The following LSAMP variants were observed in gnomAD, a reference collection of about 807,000 sequenced individuals.
The protein encoded by LSAMP is limbic system associated membrane protein.
LSAMP carries 7 observed loss-of-function variants against 38.6 expected under a neutral mutation model. The ratio of observed to expected loss-of-function variants is 0.18; its 90% confidence interval spans 0.10 to 0.34. LSAMP has a LOEUF of 0.34. Ranked by LOEUF, LSAMP falls within the 10% of genes least tolerant of loss-of-function variation. The pLI is 1.00. For synonymous variants in LSAMP, 154 were observed against 166.8 expected, an observed-to-expected ratio of 0.92 and a Z score of 0.59; for missense variants, 313 against 420.0, an observed-to-expected ratio of 0.75 and a Z score of 2.23.
At chr3:115,917,329 G>A (rs1937273363) in intron 3 of LSAMP, among the ~76,000 whole-genome samples, 1 of 151,984 alleles carries the variant, frequency 6.6e-6, no homozygotes, top group Admixed American at 6.5e-5. Context: ...ACGTACCTTT[G>A]CTTCTATATT....
chr3:115,998,239 T>C (rs1168542562), intron 3 of LSAMP, among the ~76,000 whole-genome samples: 1 of 152,130 alleles, frequency 6.6e-6, no homozygotes, highest in East Asian at 1.9e-4. Flanking sequence ...TGGATTTCAT[T>C]TCAAGAGATT....
At chr3:115,837,947 T>A (rs1407143124) in intron 6 of LSAMP, 4 of 152,288 alleles carry the variant, frequency 2.6e-5, no homozygotes, top group African/African-American at 9.6e-5. Context: ...TCAGGAGTTC[T>A]GGGCTGTAGT....
rs150080714 is a variant in LSAMP, at chr3:115,957,760, C to A, written c.514+61755G>T. The stretch of plus-strand genomic sequence containing the variant: ...TGTATACAGCAAGACCATTTTGTAC[C>A]TTTCTTGGAAGATATGATGACCCAC... On this transcript the variant is annotated intron_variant, in intron 3 of 6. Coordinates refer to ENST00000490035, the MANE Select transcript of LSAMP (RefSeq NM_002338.5). Among the ~76,000 whole-genome samples, 326 of 152,224 alleles carry A rather than the reference C, an allele frequency of 2.1e-3. 2 individuals carry two copies. Among genetic ancestry groups the A allele is most frequent in the Middle Eastern group, 6.8e-3 (2 of 294 alleles).
intron 1 of LSAMP, among the ~76,000 whole-genome samples, chr3:116,339,466 A>G (rs1406961530): frequency 1.3e-5 from 2 of 151,454 alleles, no homozygotes; most frequent in African/African-American, 2.4e-5. Context: ...CCACTAATGA[A>G]GTTTTTTTTT....
intron 3 of LSAMP, among the ~76,000 whole-genome samples, chr3:115,964,322 A>C (rs1371923249): frequency 1.3e-5 from 2 of 152,208 alleles, no homozygotes; most frequent in Non-Finnish European, 2.9e-5. Context: ...TGATTAATCA[A>C]TTAATATTAG....
chr3:115,987,146 G>A (rs1576285456), intron 3 of LSAMP, among the ~76,000 whole-genome samples: 1 of 152,146 alleles, frequency 6.6e-6, no homozygotes, highest in African/African-American at 2.4e-5. Flanking sequence ...GAAAAAAAAT[G>A]TTTTGTATTT....
chr3:116,246,517 G>C (rs909109085), intron 1 of LSAMP, among the ~76,000 whole-genome samples: 2 of 152,074 alleles, frequency 1.3e-5, no homozygotes, highest in Non-Finnish European at 2.9e-5. Context: ...AATGACTATA[G>C]CAGGCAAATG....
At chr3:116,288,314 A>C (rs548580087) in intron 1 of LSAMP, among the ~76,000 whole-genome samples, 1 of 152,290 alleles carries the variant, frequency 6.6e-6, no homozygotes, top group South Asian at 2.1e-4. Flanking sequence ...ATGGATTCTC[A>C]AAGAAAAGAC....
intron 1 of LSAMP, among the ~76,000 whole-genome samples, chr3:116,188,597 C>T (rs1321583447): frequency 6.6e-6 from 1 of 152,084 alleles, no homozygotes; most frequent in Non-Finnish European, 1.5e-5. Context: ...TTCTTGCTGG[C>T]CCTGCTAGAT....
At chr3:115,832,481 AT>A (rs1305833763) in intron 6 of LSAMP, among the ~76,000 whole-genome samples, 3 of 152,180 alleles carry the variant, frequency 2.0e-5, no homozygotes, top group Non-Finnish European at 4.4e-5. Flanking sequence ...TCTCATAGAT[AT>A]TTGGGTACTT....
intron 2 of LSAMP, among the ~76,000 whole-genome samples, chr3:116,040,389 G>T (rs1559930423): frequency 6.6e-6 from 1 of 152,148 alleles, no homozygotes; most frequent in African/African-American, 2.4e-5. Context: ...TAAGCAAGGA[G>T]AAATGACTGC....
chr3:116,371,341 A>G lies in LSAMP; in HGVS notation c.155+73536T>C, dbSNP rs144734608. ...AAATTCAGCAGCATATGAAAGGATTATACACAATTACCAAATAGAATTTAT... is the reference window on the plus strand; with the variant it reads ...AAATTCAGCAGCATATGAAAGGATTGTACACAATTACCAAATAGAATTTAT... On this transcript the variant is annotated intron_variant, in intron 1 of 6. Transcript: ENST00000490035. Among the ~76,000 whole-genome samples, 941 of 152,324 alleles carry G rather than the reference A, an allele frequency of 6.2e-3. 10 individuals are homozygous for G. The highest frequency in any genetic ancestry group is 0.021 in the African/African-American group (893 of 41,576).
intron 1 of LSAMP, among the ~76,000 whole-genome samples, chr3:116,396,226 T>C (rs540993474): frequency 1.3e-5 from 2 of 152,308 alleles, no homozygotes; most frequent in South Asian, 4.1e-4. Flanking sequence ...TTTTATCAGA[T>C]CAGTTTTCTT....
intron 1 of LSAMP, among the ~76,000 whole-genome samples, chr3:116,302,209 G>C (rs1159830185): frequency 6.6e-6 from 1 of 152,176 alleles, no homozygotes; most frequent in African/African-American, 2.4e-5. Flanking sequence ...TTTATTTATT[G>C]CAGTACATTT....
At chr3:116,224,751 C>T (rs1466928212) in intron 1 of LSAMP, among the ~76,000 whole-genome samples, 3 of 152,070 alleles carry the variant, frequency 2.0e-5, no homozygotes, top group African/African-American at 4.8e-5. Flanking sequence ...GCATGGAAGC[C>T]GTAGTTCTTG....
Position 115,810,339 on chromosome 3 carries a change from A to G in LSAMP, c.995T>C (p.Leu332Pro). 1 of 1,613,134 alleles carries G rather than the reference A, an allele frequency of 6.2e-7. No individual in the cohort carries two copies. The highest frequency in any genetic ancestry group is 1.7e-4 in the Middle Eastern group (1 of 6,052). Residue 332 changes from leucine to proline, a missense_variant, in exon 7 of 7, where the codon CTC becomes CCC. Transcript: ENST00000490035. ...VPLWLLAASL[L>P]CLLSKC The stretch of plus-strand genomic sequence containing the variant: ...CTATTAACATTTGCTGAGAAGGCAG[A>G]GCAGAGATGCTGCCAGCAGCCACAG...
intron 1 of LSAMP, among the ~76,000 whole-genome samples, chr3:116,333,258 A>G (rs2047874484): frequency 6.6e-6 from 1 of 152,050 alleles, no homozygotes; most frequent in Non-Finnish European, 1.5e-5. Context: ...TTAAGAAAAT[A>G]GGCCGGGTGT....
chr3:116,340,810 T>G (rs947080751), intron 1 of LSAMP, among the ~76,000 whole-genome samples: 2 of 152,042 alleles, frequency 1.3e-5, no homozygotes, highest in African/African-American at 2.4e-5. Context: ...GGAATTATTA[T>G]AACACATAAA....
intron 3 of LSAMP, among the ~76,000 whole-genome samples, chr3:115,928,197 G>A (rs1937522141): frequency 1.3e-5 from 2 of 152,118 alleles, no homozygotes; most frequent in Admixed American, 6.5e-5. Flanking sequence ...GAAAAAACCT[G>A]GGAATCTCTG....
Sources: allele counts gnomAD v4.1 joint callset (sites outside exome capture counted in the v4.1 genomes callset), GRCh38; gene constraint gnomAD v4.1.1; transcripts MANE v1.5; gene names NCBI Gene and HGNC (gene_info 2026-07-23, HGNC 2026-07-21).